The following CCN5 variants were observed in gnomAD, a reference collection of about 807,000 sequenced individuals.
The protein encoded by CCN5 is CCN family member 5.
CCN5 carries 17 observed loss-of-function variants against 18.7 expected under a neutral mutation model. The ratio of observed to expected loss-of-function variants is 0.91; its 90% CI spans 0.62 to 1.36. The LOEUF (loss-of-function observed/expected upper bound fraction) is 1.36, where lower values mean the gene tolerates loss of function less well. CCN5 is among the 40% of genes most tolerant of loss of function. The probability of loss-of-function intolerance (pLI) is 0.00; values close to 1 mark genes in which losing one functional copy is unlikely to be tolerated. For missense variants in CCN5, 367 were observed against 342.9 expected (o/e 1.07, Z -0.56); for synonymous variants, 135 against 145.2 (o/e 0.93, Z 0.50).
chr20:44,715,577 GC>G, intron 1 of CCN5, 127 bp downstream of exon 1: 2 of 1,020,310 alleles, frequency 2.0e-6, no homozygotes, highest in Non-Finnish European at 2.9e-6. Context: ...GCACAGTCTG[GC>G]CCCCATGCCT....
intron 2 of CCN5, 169 bp downstream of exon 2, chr20:44,720,282 T>C (rs1042936641): frequency 2.9e-6 from 2 of 695,796 alleles, no homozygotes. Flanking sequence ...CCCCACTCCC[T>C]CCTCTCCCTT....
At chr20:44,720,229 T>C in intron 2 of CCN5, 116 bp downstream of exon 2, 1 of 1,110,990 alleles carries the variant, frequency 9.0e-7, no homozygotes, top group South Asian at 1.4e-5. Context: ...TCACTTCAGG[T>C]ATCCCATCCA....
intron 1 of CCN5, among the ~76,000 whole-genome samples, chr20:44,717,594 G>A (rs6073525): frequency 4.6e-5 from 7 of 152,104 alleles, no homozygotes; most frequent in Admixed American, 2.0e-4. Context: ...ATGCAGATTC[G>A]GGCTGGGCGT....
intron 3 of CCN5, among the ~76,000 whole-genome samples, chr20:44,725,351 T>C (rs2065929523): frequency 6.6e-6 from 1 of 151,774 alleles, no homozygotes; most frequent in African/African-American, 2.4e-5. Context: ...GGCAGGAGAA[T>C]CGCTTGAACC....
chr20:44,720,181 T>A (rs1264570207), intron 2 of CCN5, 68 bp downstream of exon 2: 5 of 1,478,324 alleles, frequency 3.4e-6, no homozygotes, highest in Non-Finnish European at 4.6e-6. Flanking sequence ...GTGTCCTGGA[T>A]CAAAGTGCAG....
At position 44,727,199 on chromosome 20, in the gene CCN5, G is replaced by T. The variant is rs767238061; in HGVS notation, c.645G>T (p.Arg215=). 9 of 1,613,736 alleles carry T rather than the reference G, an allele frequency of 5.6e-6. No individual in the cohort carries two copies. In the Admixed American group the frequency reaches 8.3e-5, roughly 15 times the overall value. The change falls in exon 4 of 4, where the codon CGG becomes CGT. Residue 215 remains arginine, a synonymous_variant. Coordinates refer to ENST00000190983, the MANE Select transcript of CCN5 (RefSeq NM_003881.4). ...STTCGLGMAT[R]VSNQNRFCRL... is the part of the protein sequence containing the mutation. ...CCTGTGGGCTGGGCATGGCCACCCG[G>T]GTGTCCAACCAGAACCGCTTCTGCC...
chr20:44,717,904 GA>G (rs1186354005), intron 1 of CCN5, among the ~76,000 whole-genome samples: 1 of 149,002 alleles, frequency 6.7e-6, no homozygotes, highest in Non-Finnish European at 1.5e-5. Flanking sequence ...AAAAAAGAAA[GA>G]AAAAGAAAAG....
At chr20:44,719,256 T>G (rs983819454) in intron 1 of CCN5, among the ~76,000 whole-genome samples, 1 of 152,182 alleles carries the variant, frequency 6.6e-6, no homozygotes, top group African/African-American at 2.4e-5. Context: ...GCATTTCATG[T>G]ACTCCTCAGA....
At chr20:44,726,176 T>C (rs189964731) in intron 3 of CCN5, among the ~76,000 whole-genome samples, 1 of 152,324 alleles carries the variant, frequency 6.6e-6, no homozygotes, top group Admixed American at 6.5e-5. Flanking sequence ...GCCTGGCACA[T>C]GGTACTATAT....
chr20:44,721,735 T>C (rs2065901485), intron 2 of CCN5, among the ~76,000 whole-genome samples: 1 of 152,172 alleles, frequency 6.6e-6, no homozygotes, highest in African/African-American at 2.4e-5. Context: ...TATTTTACAC[T>C]TGCACAGCCC....
chr20:44,715,980 C>T (rs2145407400), intron 1 of CCN5, among the ~76,000 whole-genome samples: 1 of 152,334 alleles, frequency 6.6e-6, no homozygotes, highest in Admixed American at 6.5e-5. Flanking sequence ...GGCCTTATCC[C>T]TGAATGCTGC....
chr20:44,727,029 T>C, intron 3 of CCN5, 58 bp from the exon 4 acceptor site: 1 of 1,476,288 alleles, frequency 6.8e-7, no homozygotes, highest in Non-Finnish European at 9.0e-7. Flanking sequence ...GGCAGGTGGG[T>C]TGATTGAGCT....
At chr20:44,719,653 T>A (rs2065883547) in intron 1 of CCN5, among the ~76,000 whole-genome samples, 1 of 152,060 alleles carries the variant, frequency 6.6e-6, no homozygotes, top group Admixed American at 6.5e-5. Context: ...AGACTCTGAC[T>A]CCAAAAATAA....
chr20:44,720,151 A>T (rs1164880802), intron 2 of CCN5, 38 bp downstream of exon 2: 1 of 1,531,874 alleles, frequency 6.5e-7, no homozygotes, highest in East Asian at 2.4e-5. Context: ...GGCGGGTGTG[A>T]GCGGGAGGTC....
chr20:44,718,806 G>C (rs532433599), intron 1 of CCN5, among the ~76,000 whole-genome samples: 2 of 152,332 alleles, frequency 1.3e-5, no homozygotes, highest in Admixed American at 6.5e-5. Context: ...GGGGGAGGAG[G>C]TTAGACTGGG....
At chr20:44,726,650 T>G (rs146311857) in intron 3 of CCN5, among the ~76,000 whole-genome samples, 6 of 152,222 alleles carry the variant, frequency 3.9e-5, no homozygotes, top group African/African-American at 1.2e-4. Context: ...AGAGGGAGAC[T>G]TGGAGCAGAG....
In CCN5 at chr20:44,724,942, G is replaced by C. The variant is rs1322902316; in HGVS notation, c.482G>C (p.Trp161Ser). The change falls in exon 3 of 4, where the codon TGG becomes TCG. Residue 161 changes from tryptophan (W) to serine (S), a missense_variant. Physicochemically the swap from Trp to Ser is radical, Grantham distance 177 (BLOSUM62 -3). Transcript: ENST00000190983. Reference sequence around the variant, plus strand: ...GTCCTGGGCAAGTGCTGCCCTGAGTGGGTGTGCGGCCAAGGAGGGGGACTG... The same window carrying C: ...GTCCTGGGCAAGTGCTGCCCTGAGTCGGTGTGCGGCCAAGGAGGGGGACTG... ...VEVLGKCCPE[W>S]VCGQGGGLGT... 4 of 1,597,596 alleles carry C rather than the reference G, an allele frequency of 2.5e-6. No homozygotes were observed. The highest frequency in any genetic ancestry group is 3.4e-6 in the Non-Finnish European group (4 of 1,173,728).
In CCN5 at chr20:44,727,138, C is replaced by A; in HGVS notation, c.584C>A (p.Pro195Gln). ...VSSLPPGVPC[P>Q]EWSTAWGPCS... The stretch of plus-strand genomic sequence containing the variant: ...TCCCTGCCCCCTGGTGTCCCCTGCC[C>A]AGAATGGAGCACGGCCTGGGGACCC... The change falls in exon 4 of 4, where the codon CCA becomes CAA. Residue 195 changes from proline (P) to glutamine (Q), a missense_variant. Coordinates refer to ENST00000190983, the MANE Select transcript of CCN5 (RefSeq NM_003881.4). The A allele has an allele frequency of 6.2e-7, 1 of 1,612,364 alleles. No individual in the cohort carries two copies. The highest frequency in any genetic ancestry group is 1.3e-5 in the African/African-American group (1 of 75,028).
chr20:44,721,291 G>A (rs2065897747), intron 2 of CCN5: 1 of 149,618 alleles, frequency 6.7e-6, no homozygotes, highest in African/African-American at 2.5e-5. Context: ...ACGACCACTT[G>A]AGCCCAGGAG....
Sources: allele counts gnomAD v4.1 joint callset (sites outside exome capture counted in the v4.1 genomes callset), GRCh38; gene constraint gnomAD v4.1.1; transcripts MANE v1.5; gene names NCBI Gene and HGNC (gene_info 2026-07-23, HGNC 2026-07-21).